Variants in ABCB4 observed in about 807,000 individuals in gnomAD.
The protein encoded by ABCB4 is phosphatidylcholine translocator ABCB4.
ABCB4 carries 76 observed loss-of-function variants against 145.7 expected under a neutral mutation model. The ratio of observed to expected loss-of-function variants is 0.52; its 90% CI spans 0.43 to 0.63. The LOEUF is 0.63. ABCB4 is among the 30% of genes least tolerant of loss of function. The pLI, the probability that ABCB4 is intolerant of heterozygous loss-of-function variation, is 0.00. For synonymous variants in ABCB4, 517 were observed against 566.8 expected, an observed-to-expected ratio of 0.91 and a Z score of 1.25; for missense variants, 1,234 against 1,553.1, an observed-to-expected ratio of 0.79 and a Z score of 3.45.
At chr7:87,440,651 T>G (rs111569203) in intron 12 of ABCB4, among the ~76,000 whole-genome samples, 58 of 152,368 alleles carry the variant, frequency 3.8e-4, no homozygotes, top group Middle Eastern at 6.8e-3. Flanking sequence ...TTTATGTTTT[T>G]GGCATACCAT....
chr7:87,383,063 G>A, the ABCB4 span, among the ~76,000 whole-genome samples: 12 of 152,234 alleles, frequency 7.9e-5, no homozygotes, highest in East Asian at 3.9e-4. Flanking sequence ...GTCAAATCAC[G>A]GTAATTGGGA....
chr7:87,378,888 A>G, the ABCB4 span, among the ~76,000 whole-genome samples: 4 of 152,236 alleles, frequency 2.6e-5, no homozygotes, highest in African/African-American at 9.6e-5. Context: ...ATTGGTTAAT[A>G]GGCACTGAAA....
chr7:87,413,661 T>C lies in ABCB4; in HGVS notation c.2739A>G (p.Arg913=). 6.2e-7 allele frequency: 1 copy of C among 1,612,882 alleles called. No individual in the cohort carries two copies. The change falls in exon 22 of 28, where the codon AGA becomes AGG. Residue 913 remains arginine (R), a synonymous_variant. Transcript: ENST00000649586. ...IRTVVSLTQE[R]KFESMYVEKL... ...TTTCAACATACATTGATTCAAATTT[T>C]CTTTCCTGGGTCAAAGACACAACTG...
downstream of ABCB4, chr7:87,399,574 CA>C (rs1278972090): frequency 6.6e-6 from 1 of 152,148 alleles, no homozygotes; most frequent in Non-Finnish European, 1.5e-5. Context: ...AAAACCGTAA[CA>C]AAATTCATTG....
chr7:87,439,542 T>C (rs1200956293), intron 14 of ABCB4, 125 bp downstream of exon 14: 3 of 1,138,116 alleles, frequency 2.6e-6, no homozygotes, highest in Non-Finnish European at 4.0e-6. Context: ...GAGAAATCAA[T>C]ACAGCTCCAT....
intron 8 of ABCB4, chr7:87,448,537 G>C (rs1584757395): frequency 6.6e-6 from 1 of 152,370 alleles, no homozygotes. Flanking sequence ...GAGCCTCAAG[G>C]CGTGGCAGGA....
At position 87,459,442 on chromosome 7, in the gene ABCB4, G is replaced by A. The variant is rs182408697; in HGVS notation, c.286+3316C>T. On this transcript the variant is annotated intron_variant, in intron 4 of 27. Coordinates refer to ENST00000649586, the MANE Select transcript of ABCB4 (RefSeq NM_000443.4). ...ATTTCATTTAGCGTCATGTCCTCAA[G>A]GTTCATCTATGACATAGCATATGTC... Among the ~76,000 whole-genome samples, 54 of 152,152 alleles carry A rather than the reference G, an allele frequency of 3.5e-4. No individual in the cohort carries two copies. In the Middle Eastern group the frequency reaches 0.014, roughly 38 times the overall value.
intron 3 of ABCB4, among the ~76,000 whole-genome samples, chr7:87,464,114 T>A (rs1015484671): frequency 6.6e-6 from 1 of 152,298 alleles, no homozygotes; most frequent in Admixed American, 6.5e-5. Flanking sequence ...GAGAGGGTGA[T>A]GAGCCAGGCT....
intron 14 of ABCB4, among the ~76,000 whole-genome samples, chr7:87,436,523 A>T (rs564760706): frequency 6.6e-5 from 10 of 152,348 alleles, no homozygotes; most frequent in African/African-American, 2.4e-4. Flanking sequence ...AGACTGAAAA[A>T]AATACAAAAT....
chr7:87,378,238 G>C, the ABCB4 span, among the ~76,000 whole-genome samples: 16 of 151,676 alleles, frequency 1.1e-4, no homozygotes, highest in Admixed American at 5.9e-4. Flanking sequence ...CAGCTACTTG[G>C]GAGGCTGAGG....
At chr7:87,441,747 C>A (rs1811007529) in intron 12 of ABCB4, among the ~76,000 whole-genome samples, 1 of 152,038 alleles carries the variant, frequency 6.6e-6, no homozygotes, top group Admixed American at 6.6e-5. Flanking sequence ...TATGGGTGCA[C>A]ACCACCAGGC....
chr7:87,392,705 C>T, the ABCB4 span: 2 of 1,611,322 alleles, frequency 1.2e-6, no homozygotes, highest in Non-Finnish European at 1.7e-6. Context: ...TTTTTTCTAA[C>T]CTGAGATTTG....
chr7:87,447,170 C>T lies in ABCB4; in HGVS notation c.869G>A (p.Gly290Glu). 6.2e-7 allele frequency: 1 copy of T among 1,613,848 alleles called. No homozygotes were observed. Among genetic ancestry groups the T allele is most frequent in the African/African-American group, 1.3e-5 (1 of 75,004 alleles). Reference protein sequence around the residue: ...QKHLENAKEIGIKKAISANIS... With the variant: ...QKHLENAKEIEIKKAISANIS... ...GTTTGCTGAAATAGCTTTTTTAATT[C>T]CAATCTCTTTGGCATTTTCTAAATG... Residue 290 changes from glycine (G) to glutamate (E), a missense_variant, in exon 9 of 28, where the codon GGA becomes GAA. Transcript: ENST00000649586.
chr7:87,410,392 T>C (rs1194253925), intron 23 of ABCB4, among the ~76,000 whole-genome samples: 1 of 152,178 alleles, frequency 6.6e-6, no homozygotes, highest in African/African-American at 2.4e-5. Flanking sequence ...TTCCTTTAAA[T>C]GCTTGACGAA....
intron 4 of ABCB4, 28 bp downstream of exon 4, chr7:87,462,729 AT>A (rs138587890): frequency 2.0e-4 from 327 of 1,611,364 alleles, no homozygotes; most frequent in Middle Eastern, 4.9e-4. Context: ...AATGCTATGG[AT>A]TTTTTTAAAA....
the ABCB4 span, among the ~76,000 whole-genome samples, chr7:87,389,542 A>G: frequency 6.6e-6 from 1 of 151,134 alleles, no homozygotes; most frequent in African/African-American, 2.4e-5. Context: ...CAAACACCAC[A>G]TGTTCTCACT....
intron 3 of ABCB4, among the ~76,000 whole-genome samples, chr7:87,468,576 A>C (rs1341129400): frequency 1.3e-5 from 2 of 152,328 alleles, no homozygotes; most frequent in Non-Finnish European, 2.9e-5. Context: ...GCAGAGTCAC[A>C]ACAAAAAAAG....
chr7:87,473,202 T>G (rs1259819690), intron 2 of ABCB4, among the ~76,000 whole-genome samples: 1 of 152,230 alleles, frequency 6.6e-6, no homozygotes, highest in Non-Finnish European at 1.5e-5. Flanking sequence ...AGTAATTATT[T>G]CAAAATGCCA....
chr7:87,369,319 T>C, the ABCB4 span: 7 of 1,172,032 alleles, frequency 6.0e-6, no homozygotes, highest in Non-Finnish European at 8.8e-6. Context: ...GATATATGCA[T>C]CTTTACTCCT....
Sources: gnomAD v4.1 joint callset for allele counts (sites outside exome capture counted in the v4.1 genomes callset) on GRCh38, gnomAD v4.1.1 for gene constraint, MANE v1.5 for transcripts, NCBI Gene and HGNC (gene_info 2026-07-23, HGNC 2026-07-21) for gene names.